Variants in HTT observed in about 807,000 individuals in gnomAD.
HTT encodes the protein huntington disease protein.
A neutral mutation model predicts 362.3 loss-of-function variants in HTT; 104 were observed. That is an observed-to-expected ratio of 0.29 (90% CI 0.24 to 0.34). HTT has a LOEUF of 0.34. Ranked by LOEUF, HTT falls within the 10% of genes least tolerant of loss-of-function variation. The pLI, the probability that HTT is intolerant of heterozygous loss-of-function variation, is 1.00. For missense variants in HTT, 3,301 were observed against 3,928.6 expected (o/e 0.84, Z 4.27); for synonymous variants, 1,577 against 1,548.7 (o/e 1.02, Z -0.43).
chr4:3,150,565 C>T (rs1716825317), intron 26 of HTT, among the ~76,000 whole-genome samples: 1 of 152,164 alleles, frequency 6.6e-6, no homozygotes, highest in Non-Finnish European at 1.5e-5. Flanking sequence ...CCCCATTTAC[C>T]CCACTTTGTG....
intron 1 of HTT, among the ~76,000 whole-genome samples, chr4:3,086,241 A>C (rs931336443): frequency 1.3e-5 from 2 of 152,206 alleles, no homozygotes; most frequent in Non-Finnish European, 2.9e-5. Flanking sequence ...TTCAAACGTG[A>C]AATTGATTGA....
chr4:3,182,810 C>T (rs1718588054), intron 37 of HTT, among the ~76,000 whole-genome samples: 1 of 152,148 alleles, frequency 6.6e-6, no homozygotes, highest in Non-Finnish European at 1.5e-5. Flanking sequence ...TCTGGTCAAC[C>T]CAGTGTTTTA....
chr4:3,178,918 A>G (rs1044441244), intron 35 of HTT, among the ~76,000 whole-genome samples: 1 of 152,218 alleles, frequency 6.6e-6, no homozygotes, highest in Non-Finnish European at 1.5e-5. Flanking sequence ...GAGCTTAAAT[A>G]AGGAACCCAG....
intron 22 of HTT, among the ~76,000 whole-genome samples, chr4:3,142,119 GTC>G (rs951143097): frequency 1.3e-5 from 2 of 152,200 alleles, no homozygotes; most frequent in Non-Finnish European, 2.9e-5. Context: ...GGTCAATTGG[GTC>G]TTGCGTGATA....
rs756328545 is a variant in HTT at position 3,142,905 on chromosome 4, C to T, written c.3066+19C>T. The T allele has an allele frequency of 3.1e-6, 5 of 1,607,788 alleles. No homozygotes were observed. The highest frequency in any genetic ancestry group is 4.5e-5 in the East Asian group (2 of 44,746). ...ACTCACAGTAAGTCTCTTTCTTGAT[C>T]GGTCTTACTGACATTGTAATAGTTT... On this transcript the variant is annotated intron_variant, in intron 23 of 66. Coordinates refer to ENST00000355072, the MANE Select transcript of HTT (RefSeq NM_001388492.1).
At chr4:3,199,608 G>A (rs1719433119) in intron 40 of HTT, 124 bp from the exon 41 acceptor site, 1 of 740,732 alleles carries the variant, frequency 1.4e-6, no homozygotes, top group African/African-American at 1.8e-5. Flanking sequence ...AATGCCAGGT[G>A]TTCTGAATAC....
intron 2 of HTT, among the ~76,000 whole-genome samples, chr4:3,098,467 A>C (rs1454161619): frequency 1.5e-4 from 23 of 152,216 alleles, no homozygotes; most frequent in Admixed American, 1.5e-3. Flanking sequence ...GGGATTTGCT[A>C]TTCTTGGGAT....
At chr4:3,148,307 G>C (rs1716707614) in intron 26 of HTT, 100 bp downstream of exon 26, 2 of 913,140 alleles carry the variant, frequency 2.2e-6, no homozygotes, top group Non-Finnish European at 3.2e-6. Context: ...TTCTCTTTTT[G>C]CTTTAAATGA....
chr4:3,127,113 T>C (rs1715556330), intron 11 of HTT, 151 bp from the exon 12 acceptor site: 1 of 626,878 alleles, frequency 1.6e-6, no homozygotes, highest in African/African-American at 1.8e-5. Flanking sequence ...GCTTGAAGGA[T>C]GCACTGCTGT....
chr4:3,176,502 C>A (rs1718251978), intron 33 of HTT, among the ~76,000 whole-genome samples: 1 of 152,176 alleles, frequency 6.6e-6, no homozygotes, highest in Non-Finnish European at 1.5e-5. Context: ...AGGAGGCTGA[C>A]TGGGGAGAAG....
rs1263314404 is a variant in HTT, at chr4:3,087,018, G to A, written c.343G>A (p.Val115Ile). Reference protein sequence around the residue: ...TICENIVAQSVRNSPEFQKLL... With the variant: ...TICENIVAQSIRNSPEFQKLL... The stretch of plus-strand genomic sequence containing the variant: ...ATGTGAAAACATAGTGGCACAGTCT[G>A]TCAGGTAATTGCACTTTGAACTGTC... The change falls in exon 2 of 67, where the codon GTC becomes ATC. Residue 115 changes from valine (V) to isoleucine (I), a missense_variant. Transcript: ENST00000355072. 5.1e-6 allele frequency: 8 copies of A among 1,575,944 alleles called. No homozygotes were observed. The East Asian group carries it at 1.8e-4, about 35-fold the overall frequency.
At position 3,075,373 on chromosome 4, in the gene HTT, C is replaced by T. The variant is rs1409875186; in HGVS notation, c.263+285C>T. Among the ~76,000 whole-genome samples, 3 of 152,252 alleles carry T rather than the reference C, an allele frequency of 2.0e-5. 1 individual carries two copies. The highest frequency in any genetic ancestry group is 4.4e-5 in the Non-Finnish European group (3 of 68,038). The stretch of plus-strand genomic sequence containing the variant: ...AATTCACCGAGGGGAGTCACGGCCT[C>T]AGCCCTCTCGCCCTTCGCAGGATGC... On this transcript the variant is annotated intron_variant, in intron 1 of 66. Coordinates refer to ENST00000355072, the MANE Select transcript of HTT (RefSeq NM_001388492.1).
intron 45 of HTT, among the ~76,000 whole-genome samples, chr4:3,208,382 C>T (rs1054207914): frequency 6.6e-6 from 1 of 152,246 alleles, no homozygotes; most frequent in Non-Finnish European, 1.5e-5. Flanking sequence ...AGTTGTCTTA[C>T]TGGGATATTT....
intron 41 of HTT, among the ~76,000 whole-genome samples, chr4:3,201,393 G>C (rs540814215): frequency 1.5e-4 from 23 of 152,188 alleles, no homozygotes; most frequent in Admixed American, 4.6e-4. Flanking sequence ...AGCCGAGCAT[G>C]GTGACAGGTG....
Position 3,172,291 on chromosome 4 carries a change from C to T in HTT, c.3865-29C>T, listed in dbSNP as rs761922607. 2.9e-5 allele frequency: 37 copies of T among 1,257,238 alleles called. No homozygotes were observed. The East Asian group carries it at 3.7e-4, about 13-fold the overall frequency. 77.9% of individuals were successfully genotyped at this position (1,257,238 alleles called of 1,614,324 possible). A position where few individuals can be genotyped will look rare whatever the true frequency, so the allele number is the denominator to read the frequency against. ...GTACAATAACGGGTCATCTCTGAGT[C>T]GCTTAATGTCTCACTTGTCTTTCTA... On this transcript the variant is annotated intron_variant, in intron 29 of 66. Transcript: ENST00000355072.
intron 21 of HTT, among the ~76,000 whole-genome samples, chr4:3,139,398 A>G (rs932671099): frequency 4.6e-5 from 7 of 152,044 alleles, no homozygotes; most frequent in African/African-American, 1.2e-4. Flanking sequence ...GGGTTTTGCC[A>G]TGTTGGCCGG....
chr4:3,177,057 G>A (rs1005428512), intron 33 of HTT, among the ~76,000 whole-genome samples: 1 of 152,184 alleles, frequency 6.6e-6, no homozygotes, highest in African/African-American at 2.4e-5. Flanking sequence ...AGTCCCCAAG[G>A]TGTAATTTTG....
In HTT at chr4:3,116,367, GACT is replaced by G. The variant is rs1715027029; in HGVS notation, c.1068+105_1068+107del. ...GGCAGAACCGAGAGTTAGAGGTGTG[GACT>G]CTGGAGCTGCGCTGCTCGTTTCCAA... On this transcript the variant is annotated intron_variant, in intron 8 of 66. Transcript: ENST00000355072. The G allele has an allele frequency of 5.0e-6, 5 of 991,492 alleles. No homozygotes were observed. In the South Asian group the frequency reaches 7.6e-5, roughly 15 times the overall value. 61.4% of individuals were successfully genotyped at this position (991,492 alleles called of 1,614,324 possible).
intron 48 of HTT, 140 bp from the exon 49 acceptor site, chr4:3,212,424 G>A (rs1473570896): frequency 1.6e-5 from 18 of 1,145,158 alleles, no homozygotes; most frequent in Non-Finnish European, 2.3e-5. Flanking sequence ...GTGCAGTCCT[G>A]TGGACGGATG....
Sources: gnomAD v4.1 joint callset for allele counts (sites outside exome capture counted in the v4.1 genomes callset) on GRCh38, gnomAD v4.1.1 for gene constraint, MANE v1.5 for transcripts, NCBI Gene and HGNC (gene_info 2026-07-23, HGNC 2026-07-21) for gene names.